TMEM214: variants seen among roughly 807,000 people sequenced by gnomAD.
The protein encoded by TMEM214 is transmembrane protein 214.
Under a neutral mutation model 89.8 loss-of-function variants are expected in TMEM214, and 71 were observed. That is an observed-to-expected ratio of 0.79 (90% CI 0.65 to 0.96). The LOEUF is 0.96. Ranked by LOEUF, TMEM214 falls within the 40% of genes least tolerant of loss-of-function variation. The probability of loss-of-function intolerance (pLI) is 0.00; values close to 1 mark genes in which losing one functional copy is unlikely to be tolerated. For synonymous variants in TMEM214, 332 were observed against 349.5 expected (o/e 0.95, Z 0.56); for missense variants, 754 against 843.4 (o/e 0.89, Z 1.31).
chr2:27,039,550 A>G, intron 13 of TMEM214, 191 bp from the exon 14 acceptor site: 1 of 625,292 alleles, frequency 1.6e-6, no homozygotes, highest in East Asian at 2.7e-5. Flanking sequence ...ATTCCTGCAC[A>G]CCTGGCCCAG....
chr2:27,037,013 G>T, intron 7 of TMEM214, 64 bp from the exon 8 acceptor site: 4 of 1,463,274 alleles, frequency 2.7e-6, no homozygotes, highest in Non-Finnish European at 3.8e-6. Context: ...CTTAGCTGGG[G>T]TCATGGCCAA....
chr2:27,039,800 T>C lies in TMEM214; in HGVS notation c.1585T>C (p.Cys529Arg), dbSNP rs1392809452. The change falls in exon 14 of 17, where the codon TGT becomes CGT. Residue 529 changes from cysteine (C) to arginine (R), a missense_variant. Coordinates refer to ENST00000238788, the MANE Select transcript of TMEM214 (RefSeq NM_017727.5). ...SGFLPASQQA[C>R]AKLYSYSLQG... ...CTTCTTACCTGCTAGCCAACAAGCG[T>C]GTGCCAAGCTCTACTCCTACAGTCT... 4.3e-6 allele frequency: 7 copies of C among 1,614,186 alleles called. No individual in the cohort carries two copies. The highest frequency in any genetic ancestry group is 5.9e-6 in the Non-Finnish European group (7 of 1,180,028).
Position 27,041,301 on chromosome 2 carries a change from AG to A in TMEM214, c.*468del, listed in dbSNP as rs1160624822. On this transcript the variant is annotated 3_prime_UTR_variant, in exon 17 of 17. Coordinates refer to ENST00000238788, the MANE Select transcript of TMEM214 (RefSeq NM_017727.5). The stretch of plus-strand genomic sequence containing the variant: ...ACAGCTCTAGCCACAGCAGAAGGAA[AG>A]GGGCTTCCAGAAGAATATAGCACCG... 1.3e-5 allele frequency: 2 copies of A among 158,174 alleles called. No homozygotes were observed. The highest frequency in any genetic ancestry group is 3.7e-4 in the East Asian group (2 of 5,338). The allele number at this position is 158,174 out of a possible 1,614,324, so 9.8% of individuals were successfully genotyped here. A position where few individuals can be genotyped will look rare whatever the true frequency, so the allele number is the denominator to read the frequency against.
chr2:27,037,321 G>C, intron 8 of TMEM214, 143 bp downstream of exon 8: 1 of 842,540 alleles, frequency 1.2e-6, no homozygotes, highest in Non-Finnish European at 1.9e-6. Flanking sequence ...AGGGAACAGT[G>C]ACCCCTTGAA....
At position 27,038,973 on chromosome 2, in the gene TMEM214, G is replaced by A; in HGVS notation, c.1408-74G>A. ...CTTGACGCTCTTTCGGGAAGGCCTGGCTTGAGGTCTGCCCTCAGAGGCAAA... is the reference window on the plus strand; with the variant it reads ...CTTGACGCTCTTTCGGGAAGGCCTGACTTGAGGTCTGCCCTCAGAGGCAAA... On this transcript the variant is annotated intron_variant, in intron 12 of 16. Transcript: ENST00000238788. This position sits in a 1 kb window ranked among gnomAD's most constrained non-coding sequence, Gnocchi z 4.4. 1.3e-6 allele frequency: 2 copies of A among 1,541,242 alleles called. No individual in the cohort carries two copies. The highest frequency in any genetic ancestry group is 2.2e-5 in the South Asian group (2 of 89,570).
chr2:27,038,361 C>T lies in TMEM214; in HGVS notation c.1245-123C>T, dbSNP rs1667664621. 6.5e-7 allele frequency: 1 copy of T among 1,527,626 alleles called. No homozygotes were observed. The highest frequency in any genetic ancestry group is 9.1e-7 in the Non-Finnish European group (1 of 1,104,688). The allele number at this position is 1,527,626 out of a possible 1,614,324, so 94.6% of individuals were successfully genotyped here. A position where few individuals can be genotyped will look rare whatever the true frequency, so the allele number is the denominator to read the frequency against. On this transcript the variant is annotated intron_variant, in intron 10 of 16. Coordinates refer to ENST00000238788, the MANE Select transcript of TMEM214 (RefSeq NM_017727.5). The surrounding 1 kb of genome is among the most constrained non-coding windows in gnomAD (Gnocchi z 4.4). ...CATTGCTGGAGCAGCCTCTAGGAAGCTGCTGCTCTGTGGGTGGTAGGTGGA... is the reference window on the plus strand; with the variant it reads ...CATTGCTGGAGCAGCCTCTAGGAAGTTGCTGCTCTGTGGGTGGTAGGTGGA...
At chr2:27,033,373 T>C (rs140848550) in intron 1 of TMEM214, among the ~76,000 whole-genome samples, 44 of 152,162 alleles carry the variant, frequency 2.9e-4, no homozygotes, top group African/African-American at 1.0e-3. Flanking sequence ...CCCAGTGAAG[T>C]TGGATACCTT....
chr2:27,034,395 T>A, intron 2 of TMEM214, 129 bp downstream of exon 2: 1 of 1,108,498 alleles, frequency 9.0e-7, no homozygotes, highest in Non-Finnish European at 1.3e-6. Flanking sequence ...TTGAGAGGAG[T>A]TCAGGAAAAG....
chr2:27,038,997 A>T lies in TMEM214; in HGVS notation c.1408-50A>T. The T allele has an allele frequency of 6.3e-7, 1 of 1,594,294 alleles. No individual in the cohort carries two copies. Among genetic ancestry groups the T allele is most frequent in the Non-Finnish European group, 8.6e-7 (1 of 1,164,898 alleles). On this transcript the variant is annotated intron_variant, in intron 12 of 16. Transcript: ENST00000238788. The surrounding 1 kb of genome is among the most constrained non-coding windows in gnomAD (Gnocchi z 4.4). ...GGCTTGAGGTCTGCCCTCAGAGGCA[A>T]AGACCAGCCCCTCGCTTCTGACAAC...
Position 27,037,587 on chromosome 2 carries a change from AC to A in TMEM214, c.1042del (p.Arg348AspfsTer2). 6.2e-7 allele frequency: 1 copy of A among 1,613,768 alleles called. No homozygotes were observed. The highest frequency in any genetic ancestry group is 8.5e-7 in the Non-Finnish European group (1 of 1,179,942). ...PSLQEQLCQL[Y>X]PRLKVLAFGA... ...CTGCAGGAGCAGCTGTGTCAGCTCT[AC>A]CCCCGACTGAAAGTGCTGGCATTTG... On this transcript the variant is annotated frameshift_variant, in exon 9 of 17. Transcript: ENST00000238788. LOFTEE classifies it high-confidence loss of function.
At chr2:27,036,429 G>A (rs778823867) in intron 5 of TMEM214, 58 bp from the exon 6 acceptor site, 4 of 1,408,232 alleles carry the variant, frequency 2.8e-6, no homozygotes, top group Non-Finnish European at 4.0e-6. Context: ...CCTGGCTTTG[G>A]GGGGTGCTCC....
chr2:27,039,080 C>T lies in TMEM214; in HGVS notation c.1441C>T (p.Pro481Ser). Residue 481 changes from proline to serine, a missense_variant, in exon 13 of 17, where the codon CCC becomes TCC. Transcript: ENST00000238788. ...LLQQVQGPRL[P>S]WTRLLLLLLV... Reference sequence around the variant, plus strand: ...GCAGCAGGTTCAGGGTCCTCGGCTGCCCTGGACGCGGCTCCTCCTGTTGCT... The same window carrying T: ...GCAGCAGGTTCAGGGTCCTCGGCTGTCCTGGACGCGGCTCCTCCTGTTGCT... The T allele has an allele frequency of 6.2e-7, 1 of 1,613,804 alleles. No individual in the cohort carries two copies. The highest frequency in any genetic ancestry group is 8.5e-7 in the Non-Finnish European group (1 of 1,180,048).
At position 27,038,497 on chromosome 2, in the gene TMEM214, C is replaced by T; in HGVS notation, c.1258C>T (p.His420Tyr). ...CTTTCCCCACAGCCTTCTGCTGGAG[C>T]ACTTGCTCAGCTCCTGGGAGCAGAT... ...HLSQSSLLLE[H>Y]LLSSWEQIPK... The change falls in exon 11 of 17, where the codon CAC becomes TAC. Residue 420 changes from histidine (H) to tyrosine (Y), a missense_variant. Physicochemically the swap from His to Tyr is moderately conservative, Grantham distance 83. Coordinates refer to ENST00000238788, the MANE Select transcript of TMEM214 (RefSeq NM_017727.5). The surrounding 1 kb of genome is among the most constrained non-coding windows in gnomAD (Gnocchi z 4.4). 5 of 1,614,106 alleles carry T rather than the reference C, an allele frequency of 3.1e-6. No individual in the cohort carries two copies. The highest frequency in any genetic ancestry group is 4.2e-6 in the Non-Finnish European group (5 of 1,180,002).
rs1229302272 is a variant in TMEM214 at position 27,035,664 on chromosome 2, G to C, written c.573G>C (p.Gly191=). The change falls in exon 4 of 17, where the codon GGG becomes GGC. Residue 191 remains glycine (G), a synonymous_variant. Coordinates refer to ENST00000238788, the MANE Select transcript of TMEM214 (RefSeq NM_017727.5). ...GAGGGCTGCTGGCGAAGGCAGCAGG[G>C]TCTCTGGAGCTCTTTTTTGACCACT... ...IIRGLLAKAA[G]SLELFFDHCL... 1 of 1,614,212 alleles carries C rather than the reference G, an allele frequency of 6.2e-7. No homozygotes were observed. Among genetic ancestry groups the C allele is most frequent in the Non-Finnish European group, 8.5e-7 (1 of 1,180,028 alleles).
chr2:27,040,676 C>G (rs201651531), intron 16 of TMEM214, 35 bp from the exon 17 acceptor site: 2 of 1,610,388 alleles, frequency 1.2e-6, no homozygotes, highest in Non-Finnish European at 1.7e-6. Context: ...CAGCTACTCA[C>G]GTGCATACTC....
chr2:27,035,795 A>G (rs1667536079), intron 4 of TMEM214, 67 bp downstream of exon 4: 2 of 1,607,830 alleles, frequency 1.2e-6, no homozygotes, highest in South Asian at 1.1e-5. Context: ...TTCCAGTACC[A>G]CTCAGTGGTT....
chr2:27,037,004 T>C (rs1040819390), intron 7 of TMEM214, 73 bp from the exon 8 acceptor site: 5 of 1,385,880 alleles, frequency 3.6e-6, no homozygotes, highest in Non-Finnish European at 5.1e-6. Context: ...AGATGTTGGC[T>C]TAGCTGGGGT....
intron 3 of TMEM214, 60 bp downstream of exon 3, chr2:27,035,345 A>G: frequency 6.2e-7 from 1 of 1,606,106 alleles, no homozygotes; most frequent in Non-Finnish European, 8.5e-7. Context: ...AAAGGGTGGT[A>G]TAACAGATCC....
At position 27,035,227 on chromosome 2, in the gene TMEM214, T is replaced by G; in HGVS notation, c.444T>G (p.Tyr148Ter). 6.2e-7 allele frequency: 1 copy of G among 1,614,202 alleles called. No individual in the cohort carries two copies. The highest frequency in any genetic ancestry group is 8.5e-7 in the Non-Finnish European group (1 of 1,180,034). Reference protein sequence around the residue: ...PSIWLKDLASYLNYKLQAPLS... With the variant: ...PSIWLKDLAS Reference sequence around the variant, plus strand: ...TATGGTTGAAGGACCTGGCCAGCTATCTCAACTACAAGCTACAAGCTCCTC... The same window carrying G: ...TATGGTTGAAGGACCTGGCCAGCTAGCTCAACTACAAGCTACAAGCTCCTC... Residue 148 changes from tyrosine to a stop codon, truncating the protein, a stop_gained, in exon 3 of 17, where the codon TAT (tyrosine) becomes TAG (stop). Transcript: ENST00000238788. LOFTEE classifies it high-confidence loss of function.
Sources: gnomAD v4.1 joint callset for allele counts (sites outside exome capture counted in the v4.1 genomes callset) on GRCh38, gnomAD v4.1.1 for gene constraint, Gnocchi (gnomAD v3.1) non-coding constraint, MANE v1.5 for transcripts, NCBI Gene and HGNC (gene_info 2026-07-23, HGNC 2026-07-21) for gene names.